The following NPHP4 variants were observed in gnomAD, a reference collection of about 807,000 sequenced individuals.
NPHP4 encodes the protein nephrocystin-4.
NPHP4 carries 151 observed loss-of-function variants against 155.8 expected under a neutral mutation model. The ratio of observed to expected loss-of-function variants is 0.97; its 90% CI spans 0.85 to 1.11. NPHP4 has a LOEUF of 1.11. Ranked by LOEUF, NPHP4 falls within the 50% of genes least tolerant of loss-of-function variation. NPHP4 has a pLI of 0.00. For missense variants in NPHP4, 1,956 were observed against 1,925.7 expected, an observed-to-expected ratio of 1.02 and a Z score of -0.29; for synonymous variants, 845 against 816.8, an observed-to-expected ratio of 1.03 and a Z score of -0.59.
Position 5,867,616 on chromosome 1 carries a change from C to G in NPHP4, c.3472+124G>C. 1.0e-6 allele frequency: 1 copy of G among 977,688 alleles called. No homozygotes were observed. The highest frequency in any genetic ancestry group is 1.5e-6 in the Non-Finnish European group (1 of 660,490). The allele number at this position is 977,688 out of a possible 1,614,324, so 60.6% of individuals were successfully genotyped here. A position where few individuals can be genotyped will look rare whatever the true frequency, so the allele number is the denominator to read the frequency against. On this transcript the variant is annotated intron_variant, in intron 24 of 29. Transcript: ENST00000378156. The surrounding 1 kb of genome is among the most constrained non-coding windows in gnomAD (Gnocchi z 4.1). ...AGGCAGGAGAGAGAATTCCCCAGGC[C>G]CCACGTGCTGCTCTGACAGCACCAG...
intron 3 of NPHP4, among the ~76,000 whole-genome samples, chr1:5,972,531 C>G (rs1652764522): frequency 6.6e-6 from 1 of 152,212 alleles, no homozygotes; most frequent in South Asian, 2.1e-4. Context: ...CATCTCTGCA[C>G]TTCCAGCTCC....
intron 11 of NPHP4, among the ~76,000 whole-genome samples, chr1:5,923,131 AATCAC>A (rs1231196700): frequency 2.6e-5 from 4 of 152,212 alleles, no homozygotes; most frequent in Non-Finnish European, 5.9e-5. Context: ...ATGGTGAGTG[AATCAC>A]AAGTAGCACA....
At chr1:5,879,545 C>T (rs755968541) in intron 19 of NPHP4, 1 of 519,066 alleles carries the variant, frequency 1.9e-6, no homozygotes, top group Non-Finnish European at 3.8e-6. Context: ...ATTTCTCCTT[C>T]CCTTGCAGAT....
chr1:5,868,952 ACAC>A (rs1252237107), intron 23 of NPHP4, among the ~76,000 whole-genome samples: 46 of 141,814 alleles, frequency 3.2e-4, no homozygotes, highest in African/African-American at 1.2e-3. Context: ...ATGCACACAC[ACAC>A]AATGCACACA....
In NPHP4 at chr1:5,879,777, GCACA is replaced by G. The variant is rs1228492162; in HGVS notation, c.2611+333_2611+336del. 5.4e-5 allele frequency: 19 copies of G among 350,958 alleles called. 1 individual carries two copies. Among genetic ancestry groups the G allele is most frequent in the Middle Eastern group, 9.4e-4 (1 of 1,060 alleles). 21.7% of individuals were successfully genotyped at this position (350,958 alleles called of 1,614,324 possible). The stretch of plus-strand genomic sequence containing the variant: ...GCATTAACAGCACCACGAATGGTGC[GCACA>G]CACACACACACACGCAAACACACAC... On this transcript the variant is annotated intron_variant, in intron 19 of 29. Coordinates refer to ENST00000378156, the MANE Select transcript of NPHP4 (RefSeq NM_015102.5).
At chr1:5,991,921 C>A (rs1330029005) in intron 1 of NPHP4, among the ~76,000 whole-genome samples, 9 of 100,962 alleles carry the variant, frequency 8.9e-5, no homozygotes, top group Non-Finnish European at 1.6e-4. Flanking sequence ...TGCAGAGAGG[C>A]CAGGGGGCAG....
At chr1:5,934,694 T>G (rs1646445260) in intron 9 of NPHP4, among the ~76,000 whole-genome samples, 1 of 152,042 alleles carries the variant, frequency 6.6e-6, no homozygotes, top group Non-Finnish European at 1.5e-5. Flanking sequence ...CCAGGCAGCA[T>G]CGCAAGCGCA....
At chr1:5,990,625 C>G (rs1054379892) in intron 1 of NPHP4, among the ~76,000 whole-genome samples, 2 of 152,146 alleles carry the variant, frequency 1.3e-5, no homozygotes, top group African/African-American at 4.8e-5. Context: ...AATCCAAGGT[C>G]ACACAGCTAG....
intron 3 of NPHP4, among the ~76,000 whole-genome samples, chr1:5,974,700 A>C (rs1653211109): frequency 8.2e-6 from 1 of 122,348 alleles, no homozygotes. Flanking sequence ...AAAAAAAAAA[A>C]ACCACCCAGC....
At chr1:5,885,192 C>T in intron 18 of NPHP4, among the ~76,000 whole-genome samples, 1 of 148,408 alleles carries the variant, frequency 6.7e-6, no homozygotes, top group East Asian at 2.0e-4. Flanking sequence ...ACTGTCCAAG[C>T]TCCCAGCTGA....
chr1:5,948,881 G>A (rs779135808), intron 7 of NPHP4, among the ~76,000 whole-genome samples: 4 of 152,124 alleles, frequency 2.6e-5, no homozygotes, highest in Non-Finnish European at 4.4e-5. Flanking sequence ...ATGTACAGGC[G>A]CTATAACAAA....
At chr1:5,869,349 C>T (rs1234210856) in intron 23 of NPHP4, among the ~76,000 whole-genome samples, 1 of 149,462 alleles carries the variant, frequency 6.7e-6, no homozygotes, top group Non-Finnish European at 1.5e-5. Flanking sequence ...CACATGCACG[C>T]ACACACACAC....
At chr1:5,967,007 C>A (rs1178202591) in intron 5 of NPHP4, among the ~76,000 whole-genome samples, 1 of 152,212 alleles carries the variant, frequency 6.6e-6, no homozygotes, top group East Asian at 1.9e-4. Context: ...TGACAGAGAG[C>A]TACTACTTCA....
intron 11 of NPHP4, among the ~76,000 whole-genome samples, chr1:5,924,511 C>T (rs1645898479): frequency 6.6e-6 from 1 of 152,096 alleles, no homozygotes; most frequent in South Asian, 2.1e-4. Context: ...GAAGTAAAAC[C>T]AAAGCCCACA....
intron 11 of NPHP4, among the ~76,000 whole-genome samples, chr1:5,924,926 G>C (rs1238748150): frequency 6.6e-6 from 1 of 152,138 alleles, no homozygotes; most frequent in Non-Finnish European, 1.5e-5. Context: ...AAAGTGCTAG[G>C]ATTACATGCA....
At chr1:5,979,089 G>A (rs376815705) in intron 2 of NPHP4, among the ~76,000 whole-genome samples, 2 of 151,490 alleles carry the variant, frequency 1.3e-5, no homozygotes, top group Non-Finnish European at 1.5e-5. Context: ...ACCCTGCCCC[G>A]GAGCTTTACC....
chr1:5,866,287 C>A (rs1641211988), intron 26 of NPHP4, 86 bp downstream of exon 26: 1 of 891,638 alleles, frequency 1.1e-6, no homozygotes, highest in Admixed American at 2.0e-5. Flanking sequence ...AGGGGCCAAG[C>A]CCACTTTCAA....
intron 3 of NPHP4, 42 bp downstream of exon 3, chr1:5,978,228 C>G (rs983041876): frequency 1.3e-6 from 2 of 1,576,950 alleles, no homozygotes; most frequent in Non-Finnish European, 1.7e-6. Flanking sequence ...CACACACACC[C>G]TCCGCCTTGG....
intron 9 of NPHP4, among the ~76,000 whole-genome samples, chr1:5,943,982 G>A (rs532118887): frequency 3.9e-5 from 6 of 151,996 alleles, no homozygotes; most frequent in East Asian, 1.9e-4. Flanking sequence ...TGCAGGGAGC[G>A]CACCACATGC....
Sources: allele counts gnomAD v4.1 joint callset (sites outside exome capture counted in the v4.1 genomes callset), GRCh38; gene constraint gnomAD v4.1.1; non-coding constraint Gnocchi (gnomAD v3.1); transcripts MANE v1.5; gene names NCBI Gene and HGNC (gene_info 2026-07-23, HGNC 2026-07-21).